NBEA: variants seen among roughly 807,000 people sequenced by gnomAD.
NBEA encodes neurobeachin, also known as lysosomal-trafficking regulator 2.
A neutral mutation model predicts 343.4 loss-of-function variants in NBEA; 44 were observed. The observed-to-expected ratio is 0.13, with a 90% CI of 0.10 to 0.16. The LOEUF (loss-of-function observed/expected upper bound fraction) is 0.16, where lower values mean the gene tolerates loss of function less well. NBEA is among the 10% of genes least tolerant of loss of function. The pLI, the probability that NBEA is intolerant of heterozygous loss-of-function variation, is 1.00. For synonymous variants in NBEA, 1,175 were observed against 1,238.7 expected (o/e 0.95, Z 1.08); for missense variants, 2,555 against 3,631.3 (o/e 0.70, Z 7.62).
intron 41 of NBEA, among the ~76,000 whole-genome samples, chr13:35,493,538 G>A (rs1311860324): frequency 6.6e-6 from 1 of 151,818 alleles, no homozygotes; most frequent in African/African-American, 2.4e-5. Flanking sequence ...CTAGTCATAT[G>A]TTTTATTTGA....
intron 10 of NBEA, among the ~76,000 whole-genome samples, chr13:35,081,791 A>T (rs1428160043): frequency 6.6e-6 from 1 of 152,046 alleles, no homozygotes; most frequent in Non-Finnish European, 1.5e-5. Context: ...TATTTTGTTG[A>T]TTAAAAATAC....
chr13:35,085,030 C>G (rs1197537147), intron 10 of NBEA, among the ~76,000 whole-genome samples: 2 of 152,034 alleles, frequency 1.3e-5, no homozygotes, highest in African/African-American at 4.8e-5. Flanking sequence ...AAGACTAGCC[C>G]AGGAAGAAGT....
At chr13:35,330,917 G>T (rs937960093) in intron 36 of NBEA, among the ~76,000 whole-genome samples, 9 of 151,914 alleles carry the variant, frequency 5.9e-5, no homozygotes, top group African/African-American at 2.2e-4. Flanking sequence ...TCAGATCTTT[G>T]TAATTTTACA....
rs748860907 is a variant in NBEA at position 35,173,591 on chromosome 13, G to A, written c.4551G>A (p.Ser1517=). 19 of 1,591,246 alleles carry A rather than the reference G, an allele frequency of 1.2e-5. No individual in the cohort carries two copies. In the East Asian group the frequency reaches 2.5e-4, roughly 21 times the overall value. The change falls in exon 27 of 59, where the codon TCG becomes TCA. Residue 1517 remains serine (S), a synonymous_variant. Coordinates refer to ENST00000379939, the MANE Select transcript of NBEA (RefSeq NM_001385012.1). ...AAAGTGTGACTGCTACAGCAGCTTC[G>A]AAGGTAAGTAAACTTTTTTTCTTGG... ...VPQSVTATAA[S]KTPLENVPGN... is the part of the protein sequence containing the mutation.
At chr13:35,583,082 T>G (rs2081130670) in intron 45 of NBEA, among the ~76,000 whole-genome samples, 1 of 152,336 alleles carries the variant, frequency 6.6e-6, no homozygotes, top group South Asian at 2.1e-4. Flanking sequence ...ACGGACTCTG[T>G]ATACCATTAA....
intron 10 of NBEA, among the ~76,000 whole-genome samples, chr13:35,088,351 A>C (rs964849433): frequency 3.3e-5 from 5 of 151,882 alleles, no homozygotes; most frequent in Non-Finnish European, 5.9e-5. Flanking sequence ...AAACTGATAA[A>C]TCTTTTCAGT....
intron 10 of NBEA, among the ~76,000 whole-genome samples, chr13:35,092,660 C>A (rs571773031): frequency 6.6e-6 from 1 of 152,014 alleles, no homozygotes; most frequent in East Asian, 1.9e-4. Context: ...CTATATAAAA[C>A]CATTATATAC....
At chr13:35,044,851 GATAACA>G in intron 2 of NBEA, 90 bp from the exon 3 acceptor site, 2 of 668,420 alleles carry the variant, frequency 3.0e-6, no homozygotes, top group Non-Finnish European at 5.0e-6. Context: ...GAGAGAGAGA[GATAACA>G]ATGATAACTT....
intron 1 of NBEA, among the ~76,000 whole-genome samples, chr13:34,967,212 T>G (rs1419844936): frequency 6.6e-6 from 1 of 151,984 alleles, no homozygotes; most frequent in Non-Finnish European, 1.5e-5. Flanking sequence ...TGCTACTGAT[T>G]AGTTGGGCAA....
intron 18 of NBEA, among the ~76,000 whole-genome samples, chr13:35,142,586 G>A (rs1426199222): frequency 6.6e-6 from 1 of 151,764 alleles, no homozygotes; most frequent in African/African-American, 2.4e-5. Context: ...TCTTTATGTC[G>A]ATCCAAGAGC....
intron 39 of NBEA, among the ~76,000 whole-genome samples, chr13:35,437,024 T>A (rs1232842848): frequency 6.6e-6 from 1 of 152,212 alleles, no homozygotes; most frequent in East Asian, 1.9e-4. Context: ...TATCTATTAA[T>A]GTAGTAAGTA....
At chr13:35,107,177 T>C (rs1348265983) in intron 11 of NBEA, among the ~76,000 whole-genome samples, 1 of 151,948 alleles carries the variant, frequency 6.6e-6, no homozygotes, top group Non-Finnish European at 1.5e-5. Context: ...ATTTCATCCC[T>C]TTACAAATAT....
At chr13:35,324,821 T>C (rs1409535626) in intron 36 of NBEA, among the ~76,000 whole-genome samples, 2 of 152,092 alleles carry the variant, frequency 1.3e-5, no homozygotes, top group Admixed American at 1.3e-4. Flanking sequence ...TTGCAGAAGG[T>C]TTCTTTTGAG....
At chr13:35,276,177 A>G (rs1004627759) in intron 34 of NBEA, among the ~76,000 whole-genome samples, 1 of 152,178 alleles carries the variant, frequency 6.6e-6, no homozygotes, top group Non-Finnish European at 1.5e-5. Context: ...GTTTTACAAA[A>G]TAAGAGCACA....
chr13:35,136,874 G>A (rs1321031586), intron 17 of NBEA, among the ~76,000 whole-genome samples: 1 of 152,160 alleles, frequency 6.6e-6, no homozygotes, highest in African/African-American at 2.4e-5. Flanking sequence ...GTAAAGACAA[G>A]GTCAAGGAAG....
At chr13:35,553,795 C>A (rs1248232166) in intron 43 of NBEA, among the ~76,000 whole-genome samples, 1 of 152,082 alleles carries the variant, frequency 6.6e-6, no homozygotes, top group African/African-American at 2.4e-5. Context: ...TGCTGCAGGT[C>A]ATTTTTTAAT....
intron 41 of NBEA, among the ~76,000 whole-genome samples, chr13:35,520,682 A>G (rs1194795107): frequency 6.6e-6 from 1 of 152,080 alleles, no homozygotes; most frequent in East Asian, 1.9e-4. Flanking sequence ...TCTCTCTTCC[A>G]GTACTATTAT....
intron 31 of NBEA, among the ~76,000 whole-genome samples, chr13:35,207,568 G>C (rs1021631186): frequency 6.6e-6 from 1 of 152,118 alleles, no homozygotes; most frequent in Non-Finnish European, 1.5e-5. Flanking sequence ...TATTAAGTTA[G>C]AGAAGTAGTT....
At chr13:35,389,787 G>A (rs903137567) in intron 38 of NBEA, among the ~76,000 whole-genome samples, 1 of 152,066 alleles carries the variant, frequency 6.6e-6, no homozygotes, top group Non-Finnish European at 1.5e-5. Context: ...ATTGGATTCT[G>A]CAAAAGAAAG....
Sources: allele counts gnomAD v4.1 joint callset (sites outside exome capture counted in the v4.1 genomes callset), GRCh38; gene constraint gnomAD v4.1.1; transcripts MANE v1.5; gene names NCBI Gene and HGNC (gene_info 2026-07-23, HGNC 2026-07-21).